The following RAD54B variants were observed in gnomAD, a reference collection of about 807,000 sequenced individuals.
RAD54B encodes DNA repair and recombination protein RAD54B.
RAD54B carries 78 observed loss-of-function variants against 95.8 expected under a neutral mutation model. That is an observed-to-expected ratio of 0.81 (90% CI 0.68 to 0.98). The LOEUF (loss-of-function observed/expected upper bound fraction) is 0.98. RAD54B is among the 50% of genes least tolerant of loss of function. The probability of loss-of-function intolerance (pLI) is 0.00; values close to 1 mark genes in which losing one functional copy is unlikely to be tolerated. For missense variants in RAD54B, 957 were observed against 1,056.6 expected (o/e 0.91, Z 1.31); for synonymous variants, 328 against 354.9 (o/e 0.92, Z 0.85).
intron 3 of RAD54B, among the ~76,000 whole-genome samples, chr8:94,438,494 G>A (rs1296605747): frequency 6.6e-6 from 1 of 152,068 alleles, no homozygotes; most frequent in African/African-American, 2.4e-5. Flanking sequence ...CTGGACCACA[G>A]GTACTCAAAA....
chr8:94,391,930 T>A, intron 9 of RAD54B, 31 bp from the exon 10 acceptor site: 1 of 1,539,280 alleles, frequency 6.5e-7, no homozygotes, highest in Non-Finnish European at 8.8e-7. Context: ...TAAATGAAAG[T>A]GTTATAGACA....
chr8:94,403,383 C>A (rs1338534160), intron 6 of RAD54B, among the ~76,000 whole-genome samples: 1 of 151,568 alleles, frequency 6.6e-6, no homozygotes, highest in Non-Finnish European at 1.5e-5. Context: ...AATCTTTTTC[C>A]AAAATTCTCA....
intron 3 of RAD54B, among the ~76,000 whole-genome samples, chr8:94,434,566 A>C (rs987943556): frequency 2.0e-5 from 3 of 151,866 alleles, no homozygotes; most frequent in Non-Finnish European, 1.5e-5. Context: ...TTCCTTATTA[A>C]AAAGGAAGAG....
chr8:94,412,961 T>C (rs1371005428), intron 3 of RAD54B, among the ~76,000 whole-genome samples: 1 of 152,094 alleles, frequency 6.6e-6, no homozygotes, highest in Non-Finnish European at 1.5e-5. Context: ...CCATTCACAG[T>C]AGCTCCAAAA....
chr8:94,386,044 A>T (rs750909552), intron 11 of RAD54B, among the ~76,000 whole-genome samples: 1 of 152,216 alleles, frequency 6.6e-6, no homozygotes, highest in Non-Finnish European at 1.5e-5. Flanking sequence ...TGACAAGTTC[A>T]TATTTATATT....
At chr8:94,448,127 A>C (rs1812563878) in intron 3 of RAD54B, among the ~76,000 whole-genome samples, 1 of 152,208 alleles carries the variant, frequency 6.6e-6, no homozygotes, top group Non-Finnish European at 1.5e-5. Flanking sequence ...TGAGGATTCA[A>C]ATGAAAGACA....
intron 5 of RAD54B, among the ~76,000 whole-genome samples, chr8:94,404,970 C>T (rs1192241985): frequency 1.3e-5 from 2 of 152,006 alleles, no homozygotes; most frequent in African/African-American, 4.8e-5. Context: ...CGCGCCACCA[C>T]ACCCGGCTAA....
At chr8:94,462,884 A>G (rs1563666323) in intron 2 of RAD54B, among the ~76,000 whole-genome samples, 2 of 152,148 alleles carry the variant, frequency 1.3e-5, no homozygotes, top group Non-Finnish European at 2.9e-5. Flanking sequence ...TACATCAAAA[A>G]ACAAATCTTG....
rs552531198 is a variant in RAD54B at position 94,420,466 on chromosome 8, C to A, written c.305-9151G>T. ...CAATAGACAGGGTTTCACCATTTTG[C>A]CCAGGCTGGTGTCGAACTCATGAGC... is the stretch of plus-strand genomic sequence containing the variant. On this transcript the variant is annotated intron_variant, in intron 3 of 14. Coordinates refer to ENST00000336148, the MANE Select transcript of RAD54B (RefSeq NM_012415.3). 1.7e-4 allele frequency among the ~76,000 whole-genome samples: 25 copies of A among 151,446 alleles called. No homozygotes were observed. The South Asian group carries it at 5.2e-3, about 32-fold the overall frequency.
chr8:94,400,429 C>A lies in RAD54B; in HGVS notation c.979G>T (p.Glu327Ter). The A allele has an allele frequency of 6.2e-7, 1 of 1,613,068 alleles. No homozygotes were observed. Among genetic ancestry groups the A allele is most frequent in the Non-Finnish European group, 8.5e-7 (1 of 1,179,492 alleles). Residue 327 changes from glutamate (E) to a stop codon, truncating the protein, a stop_gained, in exon 7 of 15, where the codon GAA (glutamate) becomes TAA (stop). Transcript: ENST00000336148. LOFTEE classifies it high-confidence loss of function. ...NGRCGAILAD[E>*]MGLGKTLQCI... ...TGCAATGTCTTCCCTAAACCCATTTCATCAGCAAGAATAGCTCCACATCTG... is the reference window on the plus strand; with the variant it reads ...TGCAATGTCTTCCCTAAACCCATTTAATCAGCAAGAATAGCTCCACATCTG...
At chr8:94,468,311 C>T (rs1356951909) in intron 1 of RAD54B, among the ~76,000 whole-genome samples, 3 of 152,140 alleles carry the variant, frequency 2.0e-5, no homozygotes, top group Non-Finnish European at 1.5e-5. Flanking sequence ...CTGCAATAAA[C>T]GCCTCACTTT....
chr8:94,458,169 A>T lies in RAD54B; in HGVS notation c.304+99T>A, dbSNP rs551832034. The T allele has an allele frequency of 1.6e-5, 19 of 1,185,312 alleles. No individual in the cohort carries two copies. The South Asian group carries it at 3.1e-4, about 19-fold the overall frequency. The allele number at this position is 1,185,312 out of a possible 1,614,324, so 73.4% of individuals were successfully genotyped here. A position where few individuals can be genotyped will look rare whatever the true frequency, so the allele number is the denominator to read the frequency against. On this transcript the variant is annotated intron_variant, in intron 3 of 14. Coordinates refer to ENST00000336148, the MANE Select transcript of RAD54B (RefSeq NM_012415.3). ...AACAATGTAGTGGTATTACATCAAC[A>T]ATTTTCTAATATAACATATTCATTC...
chr8:94,459,730 C>G (rs1361612217), intron 2 of RAD54B, among the ~76,000 whole-genome samples: 1 of 151,552 alleles, frequency 6.6e-6, no homozygotes, highest in Non-Finnish European at 1.5e-5. Context: ...CACGGTGGTG[C>G]ACGCCTGTAA....
At chr8:94,389,116 G>A (rs1438428693) in intron 10 of RAD54B, among the ~76,000 whole-genome samples, 1 of 152,110 alleles carries the variant, frequency 6.6e-6, no homozygotes, top group African/African-American at 2.4e-5. Flanking sequence ...ACAGGGAGAT[G>A]GGTGATCTTT....
intron 3 of RAD54B, among the ~76,000 whole-genome samples, chr8:94,450,028 C>A (rs113338953): frequency 3.7e-4 from 57 of 152,252 alleles, no homozygotes; most frequent in African/African-American, 1.3e-3. Flanking sequence ...AATGCTCATA[C>A]GCCCAAAAAT....
intron 8 of RAD54B, among the ~76,000 whole-genome samples, chr8:94,396,885 A>C (rs774072140): frequency 6.6e-6 from 1 of 152,136 alleles, no homozygotes; most frequent in Non-Finnish European, 1.5e-5. Flanking sequence ...GAGATACTCC[A>C]CGAATACATT....
intron 4 of RAD54B, among the ~76,000 whole-genome samples, chr8:94,410,051 C>T (rs1422806388): frequency 6.6e-6 from 1 of 152,168 alleles, no homozygotes; most frequent in African/African-American, 2.4e-5. Context: ...TTTGCTTCAA[C>T]TCTTAACACT....
intron 7 of RAD54B, 116 bp from the exon 8 acceptor site, chr8:94,399,737 GTC>G (rs1811224295): frequency 7.4e-7 from 1 of 1,348,330 alleles, no homozygotes; most frequent in Non-Finnish European, 9.8e-7. Flanking sequence ...AACTCTTTCT[GTC>G]TTAGTCAACT....
At chr8:94,401,455 T>C (rs1329049310) in intron 6 of RAD54B, among the ~76,000 whole-genome samples, 1 of 152,158 alleles carries the variant, frequency 6.6e-6, no homozygotes, top group Non-Finnish European at 1.5e-5. Context: ...TTCTTCATGC[T>C]TTCTTTTTTC....
Sources: allele counts gnomAD v4.1 joint callset (sites outside exome capture counted in the v4.1 genomes callset), GRCh38; gene constraint gnomAD v4.1.1; transcripts MANE v1.5; gene names NCBI Gene and HGNC (gene_info 2026-07-23, HGNC 2026-07-21).